ZNF280C: variants seen among roughly 807,000 people sequenced by gnomAD.
ZNF280C encodes suppressor of hairy wing homolog 3.
ZNF280C carries 14 observed loss-of-function variants against 53.6 expected under a neutral mutation model. That is an observed-to-expected ratio of 0.26 (90% CI 0.17 to 0.41). The LOEUF is 0.41. Ranked by LOEUF, ZNF280C falls within the 10% of genes least tolerant of loss-of-function variation. The pLI, the probability that ZNF280C is intolerant of heterozygous loss-of-function variation, is 1.00. For synonymous variants in ZNF280C, 203 were observed against 181.1 expected (o/e 1.12, Z -0.97); for missense variants, 416 against 547.1 (o/e 0.76, Z 2.39).
At chrX:130,221,001 G>T (rs1307548307) in intron 12 of ZNF280C, among the ~76,000 whole-genome samples, 1 of 110,912 alleles carries the variant, frequency 9.0e-6, no homozygotes, top group African/African-American at 3.3e-5. Flanking sequence ...CTTTAAAGAT[G>T]TATCTCCACC....
chrX:130,219,486 CAAAAAAAA>C (rs11299878), intron 13 of ZNF280C, among the ~76,000 whole-genome samples: 1 of 32,742 alleles, frequency 3.1e-5, no homozygotes, highest in Non-Finnish European at 4.7e-5. Flanking sequence ...GACTCTGTCT[CAAAAAAAA>C]AAAAAAAAAA....
chrX:130,229,068 G>A lies in ZNF280C; in HGVS notation c.1056C>T (p.His352=). The change falls in exon 10 of 19, where the codon CAC becomes CAT. Residue 352 remains histidine (H), a synonymous_variant. Coordinates refer to ENST00000370978, the MANE Select transcript of ZNF280C (RefSeq NM_017666.5). ...GCCGGTAACAGTGCTGGCAGGTGGT[G>A]TGGTTTTCCCAGCTTTCATTGTTCT... ...EKQNNESWEN[H]TTCQHCYRQY... 8.3e-7 allele frequency: 1 copy of A among 1,209,485 alleles called. No individual in the cohort carries two copies. The highest frequency in any genetic ancestry group is 1.8e-5 in the South Asian group (1 of 56,663).
intron 8 of ZNF280C, among the ~76,000 whole-genome samples, chrX:130,231,326 T>C (rs1209137329): frequency 9.0e-6 from 1 of 111,648 alleles, no homozygotes; most frequent in Non-Finnish European, 1.9e-5. Flanking sequence ...CCATCAACAG[T>C]GGACTGGATA....
chrX:130,230,052 A>G (rs2032261356), intron 9 of ZNF280C, among the ~76,000 whole-genome samples: 1 of 111,777 alleles, frequency 8.9e-6, no homozygotes, highest in African/African-American at 3.2e-5. Context: ...CACACCTCCA[A>G]AACACTTCTC....
In ZNF280C at chrX:130,243,875, T is replaced by TAA; in HGVS notation, c.179-11_179-10insTT. The TAA allele has an allele frequency of 9.4e-7, 1 of 1,058,532 alleles. No homozygotes were observed. The highest frequency in any genetic ancestry group is 1.2e-6 in the Non-Finnish European group (1 of 800,306). The allele number at this position is 1,058,532 out of a possible 1,213,427, so 87.2% of individuals were successfully genotyped here. A position where few individuals can be genotyped will look rare whatever the true frequency, so the allele number is the denominator to read the frequency against. On this transcript the variant is annotated splice_polypyrimidine_tract_variant and intron_variant, in intron 3 of 18. Transcript: ENST00000370978. ...CCTCTGTTCAAAATATCTATAAAAT[T>TAA]ATATTTATTTTAAAATTTGTTATGT...
chrX:130,257,260 T>C (rs1037942043), intron 2 of ZNF280C, among the ~76,000 whole-genome samples: 4 of 108,772 alleles, frequency 3.7e-5, no homozygotes, highest in Non-Finnish European at 7.6e-5. Context: ...TTTAATAAAC[T>C]TTGCTGACTT....
chrX:130,248,714 T>C (rs981582007), intron 2 of ZNF280C, among the ~76,000 whole-genome samples: 1 of 111,975 alleles, frequency 8.9e-6, no homozygotes, highest in Non-Finnish European at 1.9e-5. Flanking sequence ...GCCAGCATCA[T>C]AGCTCCTGAG....
At chrX:130,233,391 C>A (rs1389925980) in intron 8 of ZNF280C, among the ~76,000 whole-genome samples, 3 of 110,899 alleles carry the variant, frequency 2.7e-5, no homozygotes, top group Non-Finnish European at 3.8e-5. Context: ...CCAAGGTGGG[C>A]GGATCACCTG....
intron 7 of ZNF280C, 66 bp downstream of exon 7, chrX:130,236,403 T>C (rs895898938): frequency 8.0e-6 from 9 of 1,123,886 alleles, no homozygotes; most frequent in Non-Finnish European, 1.1e-5. Context: ...TTAAAATTCA[T>C]CACAATTTCT....
chrX:130,252,137 G>A (rs934707808), intron 2 of ZNF280C, among the ~76,000 whole-genome samples: 3 of 111,512 alleles, frequency 2.7e-5, no homozygotes, highest in African/African-American at 9.8e-5. Context: ...AACAAAAAAC[G>A]AAAAAACCAA....
At chrX:130,248,735 G>A (rs958609697) in intron 2 of ZNF280C, among the ~76,000 whole-genome samples, 1 of 112,105 alleles carries the variant, frequency 8.9e-6, no homozygotes, top group South Asian at 3.7e-4. Flanking sequence ...CTGGCCAACC[G>A]GGCTTGACCA....
chrX:130,204,273 A>G lies in ZNF280C; in HGVS notation c.*704T>C, dbSNP rs1439618172. On this transcript the variant is annotated 3_prime_UTR_variant, in exon 19 of 19. Coordinates refer to ENST00000370978, the MANE Select transcript of ZNF280C (RefSeq NM_017666.5). ...GAATCGACCCATAAGCTTAAGATCA[A>G]AAGCCAAAGCTCCCAATGGGAAGTT... 1 of 112,552 alleles carries G rather than the reference A, an allele frequency of 8.9e-6. No individual in the cohort carries two copies. Among genetic ancestry groups the G allele is most frequent in the East Asian group, 2.8e-4 (1 of 3,590 alleles). 9.3% of individuals were successfully genotyped at this position (112,552 alleles called of 1,213,427 possible).
intron 1 of ZNF280C, among the ~76,000 whole-genome samples, chrX:130,262,082 G>T (rs897491174): frequency 9.8e-5 from 11 of 111,801 alleles, no homozygotes; most frequent in African/African-American, 3.6e-4. Flanking sequence ...CATATTTACT[G>T]CCTATGGCTA....
chrX:130,225,093 A>T (rs894158952), intron 12 of ZNF280C, among the ~76,000 whole-genome samples: 1 of 111,595 alleles, frequency 9.0e-6, no homozygotes, highest in African/African-American at 3.3e-5. Flanking sequence ...GAATGACTAC[A>T]GATCAGATAA....
intron 1 of ZNF280C, among the ~76,000 whole-genome samples, chrX:130,268,370 C>A (rs2032712780): frequency 9.0e-6 from 1 of 111,384 alleles, no homozygotes; most frequent in Admixed American, 9.4e-5. Flanking sequence ...GTGGGCGGGT[C>A]TCCGTCAAAC....
rs1179327138 is a variant in ZNF280C at position 130,203,051 on chromosome X, CTAAG to C, written c.*1922_*1925del. 1 of 111,248 alleles carries C rather than the reference CTAAG, an allele frequency of 9.0e-6. No individual in the cohort carries two copies. The highest frequency in any genetic ancestry group is 9.6e-5 in the Admixed American group (1 of 10,375). The allele number at this position is 111,248 out of a possible 1,213,427, so 9.2% of individuals were successfully genotyped here. ...CTTTATGTCTTTGAAATCAGAATCCCTAAGCTAATGTTAATGATAGGCCCAAGAC... is the reference window on the plus strand; with the variant it reads ...CTTTATGTCTTTGAAATCAGAATCCCCTAATGTTAATGATAGGCCCAAGAC... On this transcript the variant is annotated 3_prime_UTR_variant, in exon 19 of 19. Coordinates refer to ENST00000370978, the MANE Select transcript of ZNF280C (RefSeq NM_017666.5).
chrX:130,214,080 A>G lies in ZNF280C; in HGVS notation c.1979+1113T>C, dbSNP rs529076006. 4.4e-4 allele frequency among the ~76,000 whole-genome samples: 49 copies of G among 112,092 alleles called. No homozygotes were observed. The South Asian group carries it at 6.3e-3, about 15-fold the overall frequency. On this transcript the variant is annotated intron_variant, in intron 15 of 18. Transcript: ENST00000370978. ...CTCTTAAAGTGTTGGGATCACAGGC[A>G]TGAGCCATTGTGCCTGGCTAGTTGT...
intron 8 of ZNF280C, among the ~76,000 whole-genome samples, chrX:130,232,707 A>G (rs1176384625): frequency 8.9e-6 from 1 of 112,278 alleles, no homozygotes; most frequent in East Asian, 2.8e-4. Flanking sequence ...AGAATGTGGA[A>G]AAACGGGAAC....
At chrX:130,252,213 C>A (rs1037200584) in intron 2 of ZNF280C, among the ~76,000 whole-genome samples, 5 of 112,364 alleles carry the variant, frequency 4.4e-5, no homozygotes, top group Admixed American at 2.8e-4. Flanking sequence ...AAATCCTCAA[C>A]AAAATATTGG....
Sources: allele counts gnomAD v4.1 joint callset (sites outside exome capture counted in the v4.1 genomes callset), GRCh38; gene constraint gnomAD v4.1.1; transcripts MANE v1.5; gene names NCBI Gene and HGNC (gene_info 2026-07-23, HGNC 2026-07-21).